Variants in PHF11 observed in about 807,000 individuals in gnomAD.
The protein encoded by PHF11 is BRCA1 C-terminus-associated protein.
PHF11 carries 38 observed loss-of-function variants against 40.5 expected under a neutral mutation model. That is an observed-to-expected ratio of 0.94 (90% CI 0.72 to 1.23). The LOEUF (loss-of-function observed/expected upper bound fraction) is 1.23. Ranked by LOEUF, PHF11 falls within the 50% of genes most tolerant of loss-of-function variation. PHF11 has a pLI of 0.00. For missense variants in PHF11, 369 were observed against 392.4 expected (o/e 0.94, Z 0.50); for synonymous variants, 127 against 138.2 (o/e 0.92, Z 0.57).
chr13:49,501,023 T>G lies in PHF11; in HGVS notation c.94+4928T>G, dbSNP rs534907204. ...TTGTTTTTTTTTTTTTTTGGTTTTT[T>G]TTTTTCTGAAATGGAGTTTTGTTCT... is the stretch of plus-strand genomic sequence containing the variant. On this transcript the variant is annotated intron_variant, in intron 1 of 9. Transcript: ENST00000378319. Among the ~76,000 whole-genome samples the G allele has an allele frequency of 8.7e-4, 128 of 147,338 alleles. 6 individuals carry two copies. The Middle Eastern group carries it at 0.014, about 16-fold the overall frequency.
At position 49,521,392 on chromosome 13, in the gene PHF11, A is replaced by G. The variant is rs545693759; in HGVS notation, c.505+452A>G. 3 of 987,778 alleles carry G rather than the reference A, an allele frequency of 3.0e-6. No individual in the cohort carries two copies. The East Asian group carries it at 3.4e-4, about 111-fold the overall frequency. The allele number at this position is 987,778 out of a possible 1,614,324, so 61.2% of individuals were successfully genotyped here. A position where few individuals can be genotyped will look rare whatever the true frequency, so the allele number is the denominator to read the frequency against. The stretch of plus-strand genomic sequence containing the variant: ...GTCATGGGGTATACTTTCATTCATG[A>G]GTGGAACAGCAGTGTCTTAGCAGCA... On this transcript the variant is annotated intron_variant, in intron 5 of 9. Coordinates refer to ENST00000378319, the MANE Select transcript of PHF11 (RefSeq NM_001040443.3).
At chr13:49,515,751 C>G in intron 3 of PHF11, among the ~76,000 whole-genome samples, 1 of 152,126 alleles carries the variant, frequency 6.6e-6, no homozygotes, top group East Asian at 1.9e-4. Context: ...CTCCTGCCAT[C>G]CCTACCCCAG....
chr13:49,521,437 T>C (rs1959187075), intron 5 of PHF11: 1 of 986,326 alleles, frequency 1.0e-6, no homozygotes, highest in Non-Finnish European at 1.2e-6. Context: ...CAATGTTCAT[T>C]GTGAAGTGGA....
At chr13:49,505,144 A>C (rs2139038471) in intron 1 of PHF11, among the ~76,000 whole-genome samples, 1 of 147,140 alleles carries the variant, frequency 6.8e-6, no homozygotes, top group Non-Finnish European at 1.5e-5. Flanking sequence ...ATAAATAAAA[A>C]TGAAAAAAAA....
chr13:49,505,227 GT>G (rs1212793873), intron 1 of PHF11, among the ~76,000 whole-genome samples: 3 of 151,240 alleles, frequency 2.0e-5, no homozygotes, highest in Non-Finnish European at 4.4e-5. Context: ...CGTCTGAGCA[GT>G]TTTCACTCTA....
intron 1 of PHF11, among the ~76,000 whole-genome samples, chr13:49,496,851 T>TTTTTTTA (rs1958820462): frequency 6.9e-6 from 1 of 144,380 alleles, no homozygotes; most frequent in Non-Finnish European, 1.5e-5. Context: ...TTTTTTTTTT[T>TTTTTTTA]GAGAGGAGTT....
Position 49,522,038 on chromosome 13 carries a change from T to G in PHF11, c.506-5T>G, listed in dbSNP as rs1959190761. 16 of 1,398,112 alleles carry G rather than the reference T, an allele frequency of 1.1e-5. No individual in the cohort carries two copies. The Middle Eastern group carries it at 5.3e-4, about 46-fold the overall frequency. The allele number at this position is 1,398,112 out of a possible 1,614,324, so 86.6% of individuals were successfully genotyped here. On this transcript the variant is annotated splice_region_variant and splice_polypyrimidine_tract_variant and intron_variant, in intron 5 of 9. Coordinates refer to ENST00000378319, the MANE Select transcript of PHF11 (RefSeq NM_001040443.3). ...TTCCAATTTTTAAATGGTTTATATT[T>G]TTAGCTAAATTTTCAGGAGTGAAAA... is the stretch of plus-strand genomic sequence containing the variant.
At chr13:49,528,012 G>A (rs1959389091) in intron 9 of PHF11, among the ~76,000 whole-genome samples, 1 of 152,124 alleles carries the variant, frequency 6.6e-6, no homozygotes, top group Non-Finnish European at 1.5e-5. Flanking sequence ...TAAAGCCTAA[G>A]TATCTTCCTC....
chr13:49,506,177 C>T (rs1473590061), intron 1 of PHF11, among the ~76,000 whole-genome samples: 1 of 150,992 alleles, frequency 6.6e-6, no homozygotes, highest in African/African-American at 2.4e-5. Flanking sequence ...GCAGAAGGAT[C>T]ACTTGAGGCC....
chr13:49,512,497 G>GTGA (rs1261337810), intron 2 of PHF11, among the ~76,000 whole-genome samples: 2 of 152,172 alleles, frequency 1.3e-5, no homozygotes, highest in Non-Finnish European at 2.9e-5. Flanking sequence ...AGTGTAATAT[G>GTGA]TGAAACATTG....
Position 49,496,107 on chromosome 13 carries a change from G to C in PHF11, c.94+12G>C. ...CCTCCTTCCCACCGGTGTGTACCGC[G>C]GGGGCGGGCGGGCGGGCGGGCGGGG... On this transcript the variant is annotated intron_variant, in intron 1 of 9. Transcript: ENST00000378319. The C allele has an allele frequency of 2.7e-6, 1 of 370,888 alleles. No homozygotes were observed. Among genetic ancestry groups the C allele is most frequent in the Non-Finnish European group, 3.7e-6 (1 of 267,044 alleles). 23.0% of individuals were successfully genotyped at this position (370,888 alleles called of 1,614,324 possible).
intron 1 of PHF11, among the ~76,000 whole-genome samples, chr13:49,501,029 C>G (rs377109507): frequency 2.3e-5 from 1 of 42,630 alleles, no homozygotes; most frequent in African/African-American, 8.7e-5. Flanking sequence ...TTTTTTTTTT[C>G]TGAAATGGAG....
chr13:49,502,024 A>C (rs1354638472), intron 1 of PHF11, among the ~76,000 whole-genome samples: 1 of 152,046 alleles, frequency 6.6e-6, no homozygotes, highest in Non-Finnish European at 1.5e-5. Flanking sequence ...TTAAGGCAGG[A>C]CATGGTGCCT....
chr13:49,525,182 C>A (rs1298730192), intron 8 of PHF11, among the ~76,000 whole-genome samples: 1 of 152,136 alleles, frequency 6.6e-6, no homozygotes, highest in Non-Finnish European at 1.5e-5. Flanking sequence ...AAAGAAGTTT[C>A]TTTCTTAAGG....
intron 2 of PHF11, among the ~76,000 whole-genome samples, chr13:49,509,222 T>C (rs1456133578): frequency 6.6e-6 from 1 of 151,920 alleles, no homozygotes; most frequent in Non-Finnish European, 1.5e-5. Context: ...TGATTTTTTT[T>C]TTTTTTTGAG....
At chr13:49,513,251 C>T (rs1959101873) in intron 3 of PHF11, 85 bp downstream of exon 3, 1 of 656,462 alleles carries the variant, frequency 1.5e-6, no homozygotes, top group Admixed American at 2.7e-5. Flanking sequence ...GACTGATACA[C>T]CAGGGATAGA....
In PHF11 at chr13:49,523,930, T is replaced by A. The variant is rs148454191; in HGVS notation, c.638-155T>A. 711 of 446,162 alleles carry A rather than the reference T, an allele frequency of 1.6e-3. 4 individuals carry two copies. The highest frequency in any genetic ancestry group is 0.013 in the African/African-American group (637 of 49,164). The allele number at this position is 446,162 out of a possible 1,614,324, so 27.6% of individuals were successfully genotyped here. A position where few individuals can be genotyped will look rare whatever the true frequency, so the allele number is the denominator to read the frequency against. ...GCTGGCCAAAAAAAATGAGGTATGA[T>A]GAAATTATAATTAATAAAAAGGGTG... On this transcript the variant is annotated intron_variant, in intron 7 of 9. Coordinates refer to ENST00000378319, the MANE Select transcript of PHF11 (RefSeq NM_001040443.3).
At chr13:49,502,772 C>T (rs1051902211) in intron 1 of PHF11, among the ~76,000 whole-genome samples, 2 of 152,190 alleles carry the variant, frequency 1.3e-5, no homozygotes, top group African/African-American at 2.4e-5. Flanking sequence ...GCCCAGGCCA[C>T]AGTGCAGTGG....
intron 3 of PHF11, 143 bp from the exon 4 acceptor site, chr13:49,517,875 T>C: frequency 1.7e-6 from 1 of 576,010 alleles, no homozygotes; most frequent in East Asian, 2.9e-5. Context: ...TACCCTAATG[T>C]TTGTAACGGG....
Sources: allele counts gnomAD v4.1 joint callset (sites outside exome capture counted in the v4.1 genomes callset), GRCh38; gene constraint gnomAD v4.1.1; transcripts MANE v1.5; gene names NCBI Gene and HGNC (gene_info 2026-07-23, HGNC 2026-07-21).